Variants in CTNNA2 observed in about 807,000 individuals in gnomAD.
CTNNA2 encodes the protein catenin alpha-2.
In CTNNA2, 42 loss-of-function variants were observed where a neutral mutation model predicts 101.0. The observed-to-expected ratio is 0.42, with a 90% CI of 0.32 to 0.54. The LOEUF (loss-of-function observed/expected upper bound fraction) is 0.54. CTNNA2 is among the 20% of genes least tolerant of loss of function. CTNNA2 has a pLI of 0.14. For missense variants in CTNNA2, 871 were observed against 1,223.1 expected (o/e 0.71, Z 4.29); for synonymous variants, 450 against 456.4 (o/e 0.99, Z 0.18).
chr2:80,564,384 A>G (rs1213446035), intron 12 of CTNNA2, among the ~76,000 whole-genome samples: 1 of 152,174 alleles, frequency 6.6e-6, no homozygotes, highest in Non-Finnish European at 1.5e-5. Flanking sequence ...TGCTTATTTT[A>G]AAATAGAAGA....
chr2:79,609,220 T>C (rs935435441), intron 1 of CTNNA2, among the ~76,000 whole-genome samples: 1 of 151,982 alleles, frequency 6.6e-6, no homozygotes, highest in African/African-American at 2.4e-5. Flanking sequence ...TGTTTATAGA[T>C]ATAAAAACCC....
chr2:80,448,519 A>AAT, intron 9 of CTNNA2, among the ~76,000 whole-genome samples: 1 of 152,170 alleles, frequency 6.6e-6, no homozygotes, highest in Non-Finnish European at 1.5e-5. Flanking sequence ...CAAAAACTCC[A>AAT]AGCCTGGGTC....
intron 7 of CTNNA2, among the ~76,000 whole-genome samples, chr2:80,323,413 C>T (rs1251328815): frequency 6.6e-6 from 1 of 152,044 alleles, no homozygotes; most frequent in Admixed American, 6.5e-5. Flanking sequence ...TTCCTCCTTG[C>T]TTGCCTGCTG....
chr2:80,429,719 T>C (rs947774975), intron 9 of CTNNA2, among the ~76,000 whole-genome samples: 1 of 152,238 alleles, frequency 6.6e-6, no homozygotes, highest in East Asian at 1.9e-4. Flanking sequence ...GAACAGATCA[T>C]GCAAACTGCT....
intron 7 of CTNNA2, among the ~76,000 whole-genome samples, chr2:80,156,793 T>G (rs1394002748): frequency 6.6e-6 from 1 of 152,214 alleles, no homozygotes; most frequent in African/African-American, 2.4e-5. Flanking sequence ...TGGTGATCCC[T>G]TTGGCCACAT....
intron 17 of CTNNA2, among the ~76,000 whole-genome samples, chr2:80,610,048 C>T (rs1280149103): frequency 6.6e-6 from 1 of 151,726 alleles, no homozygotes. Context: ...GTTCATAAAT[C>T]CTTGCATGGG....
chr2:79,303,981 A>G (rs1431970349), intron 2 of CTNNA2, among the ~76,000 whole-genome samples: 2 of 152,142 alleles, frequency 1.3e-5, no homozygotes, highest in Non-Finnish European at 2.9e-5. Context: ...GTGGATTTAC[A>G]GCAAGCAGTC....
chr2:79,273,430 C>T (rs757363341), intron 2 of CTNNA2, among the ~76,000 whole-genome samples: 10 of 152,072 alleles, frequency 6.6e-5, no homozygotes, highest in African/African-American at 1.4e-4. Context: ...ATTTTCACCT[C>T]GCTCTAGTAT....
At chr2:80,635,563 G>A (rs1672783550) in intron 18 of CTNNA2, among the ~76,000 whole-genome samples, 1 of 152,136 alleles carries the variant, frequency 6.6e-6, no homozygotes, top group Non-Finnish European at 1.5e-5. Context: ...ATAGTTAAGA[G>A]CTCATTCGTT....
At chr2:79,416,257 C>CTTTTTCTTT (rs1404591922) in intron 4 of CTNNA2, among the ~76,000 whole-genome samples, 1 of 94,656 alleles carries the variant, frequency 1.1e-5, no homozygotes, top group African/African-American at 4.1e-5. Context: ...CTTTCCTTTT[C>CTTTTTCTTT]TTTTTTTTTT....
At chr2:79,895,692 A>ATT (rs70940058) in intron 6 of CTNNA2, among the ~76,000 whole-genome samples, 2,562 of 140,570 alleles carry the variant, frequency 0.018, 85 homozygotes, top group African/African-American at 0.06. Context: ...AAATTTCTTA[A>ATT]TTTTTTTTTT....
intron 1 of CTNNA2, among the ~76,000 whole-genome samples, chr2:79,518,178 T>TA (rs1168173016): frequency 3.9e-5 from 6 of 152,212 alleles, no homozygotes; most frequent in African/African-American, 1.2e-4. Flanking sequence ...ATATAAATCA[T>TA]ATGTTGATTT....
At chr2:80,477,703 G>A (rs950688221) in intron 9 of CTNNA2, among the ~76,000 whole-genome samples, 49 of 150,288 alleles carry the variant, frequency 3.3e-4, no homozygotes, top group African/African-American at 1.1e-3. Context: ...CTTTCTTATG[G>A]CTGAGTAGTA....
At chr2:79,486,111 A>G (rs928650828) in intron 4 of CTNNA2, among the ~76,000 whole-genome samples, 26 of 152,084 alleles carry the variant, frequency 1.7e-4, no homozygotes, top group African/African-American at 6.3e-4. Context: ...TTTAGGGTAC[A>G]TGTGCACAAC....
At chr2:80,642,118 T>C (rs922506575) in intron 18 of CTNNA2, among the ~76,000 whole-genome samples, 2 of 152,188 alleles carry the variant, frequency 1.3e-5, no homozygotes, top group African/African-American at 2.4e-5. Context: ...ACATCCTTTA[T>C]ATTTCCGCAA....
intron 3 of CTNNA2, among the ~76,000 whole-genome samples, chr2:79,855,363 G>A (rs1013862978): frequency 6.6e-6 from 1 of 152,136 alleles, no homozygotes; most frequent in Non-Finnish European, 1.5e-5. Context: ...CTTTGAAGCA[G>A]TAGTGCTGAC....
rs1055415000 is a variant in CTNNA2, at chr2:80,362,956, C to A, written c.1057-30255C>A. 2.0e-5 allele frequency among the ~76,000 whole-genome samples: 3 copies of A among 149,094 alleles called. No individual in the cohort carries two copies. The Admixed American group carries it at 2.0e-4, about 10-fold the overall frequency. ...GCTATATATCAGGCCTGTGAATTAC[C>A]ACTGCACCATGGCATTCTAGCCTGG... On this transcript the variant is annotated intron_variant, in intron 7 of 18. Transcript: ENST00000402739.
At chr2:79,261,775 G>T (rs12713983) in intron 2 of CTNNA2, among the ~76,000 whole-genome samples, 3 of 152,042 alleles carry the variant, frequency 2.0e-5, no homozygotes, top group Non-Finnish European at 4.4e-5. Context: ...AGGGATTCAG[G>T]CTTCAACCCA....
chr2:80,411,908 T>C (rs1318012872), intron 8 of CTNNA2, among the ~76,000 whole-genome samples: 1 of 152,158 alleles, frequency 6.6e-6, no homozygotes, highest in Non-Finnish European at 1.5e-5. Context: ...TTATGAAATA[T>C]TAATATTCCC....
Sources: allele counts gnomAD v4.1 joint callset (sites outside exome capture counted in the v4.1 genomes callset), GRCh38; gene constraint gnomAD v4.1.1; transcripts MANE v1.5; gene names NCBI Gene and HGNC (gene_info 2026-07-23, HGNC 2026-07-21).